FAM135B: variants seen among roughly 807,000 people sequenced by gnomAD.
FAM135B encodes family with sequence similarity 135 member B, also known as protein FAM135B.
FAM135B carries 43 observed loss-of-function variants against 127.7 expected under a neutral mutation model. That is an observed-to-expected ratio of 0.34 (90% CI 0.26 to 0.43). The LOEUF (loss-of-function observed/expected upper bound fraction) is 0.43, where lower values mean the gene tolerates loss of function less well. Among genes scored for constraint, FAM135B ranks in the 20% least tolerant of loss-of-function variants. FAM135B has a pLI of 1.00. For synonymous variants in FAM135B, 670 were observed against 665.1 expected (o/e 1.01, Z -0.11); for missense variants, 1,558 against 1,725.6 (o/e 0.90, Z 1.72).
At chr8:138,290,330 C>A (rs1825012618) in intron 3 of FAM135B, among the ~76,000 whole-genome samples, 1 of 152,186 alleles carries the variant, frequency 6.6e-6, no homozygotes, top group Admixed American at 6.5e-5. Context: ...AGAAACGATA[C>A]AAAGAAGGTT....
intron 3 of FAM135B, among the ~76,000 whole-genome samples, chr8:138,299,005 A>G (rs1825673243): frequency 6.6e-6 from 1 of 151,672 alleles, no homozygotes; most frequent in Non-Finnish European, 1.5e-5. Context: ...GGTTGCAATG[A>G]GCCGAGATCG....
At chr8:138,170,114 C>T (rs879363770) in intron 11 of FAM135B, among the ~76,000 whole-genome samples, 7 of 152,178 alleles carry the variant, frequency 4.6e-5, no homozygotes, top group Admixed American at 6.5e-5. Context: ...AGAAGCTTCC[C>T]TGCCATCCTT....
intron 2 of FAM135B, among the ~76,000 whole-genome samples, chr8:138,314,422 T>C (rs1027930832): frequency 2.0e-5 from 3 of 151,970 alleles, no homozygotes; most frequent in African/African-American, 7.3e-5. Context: ...AAAGAACTCT[T>C]GGAACTCAGT....
intron 12 of FAM135B, among the ~76,000 whole-genome samples, chr8:138,166,839 C>T (rs1015640895): frequency 6.6e-6 from 1 of 152,074 alleles, no homozygotes; most frequent in African/African-American, 2.4e-5. Context: ...TTGTAAGGAG[C>T]ACATCCTACC....
At chr8:138,352,332 T>G (rs891003081) in intron 2 of FAM135B, among the ~76,000 whole-genome samples, 2 of 152,242 alleles carry the variant, frequency 1.3e-5, no homozygotes, top group Non-Finnish European at 2.9e-5. Context: ...TTGATCATTA[T>G]ACATTGTATG....
chr8:138,184,791 A>C (rs1236088686), intron 9 of FAM135B, among the ~76,000 whole-genome samples: 3 of 152,176 alleles, frequency 2.0e-5, no homozygotes. Flanking sequence ...CACACTATTC[A>C]AACCGCCATA....
chr8:138,337,682 C>T (rs988615229), intron 2 of FAM135B, among the ~76,000 whole-genome samples: 2 of 152,038 alleles, frequency 1.3e-5, no homozygotes, highest in African/African-American at 4.8e-5. Context: ...GGCCAAACTG[C>T]CCAAGGTAAT....
intron 3 of FAM135B, among the ~76,000 whole-genome samples, chr8:138,292,210 CA>C (rs1430223746): frequency 2.0e-5 from 3 of 151,974 alleles, no homozygotes; most frequent in Non-Finnish European, 4.4e-5. Flanking sequence ...CAAATTTAAT[CA>C]AGGTGGTAAA....
intron 2 of FAM135B, among the ~76,000 whole-genome samples, chr8:138,331,823 T>C (rs1828202501): frequency 6.6e-6 from 1 of 152,170 alleles, no homozygotes; most frequent in Non-Finnish European, 1.5e-5. Flanking sequence ...AAGGATTCTG[T>C]GAGAACTCTT....
At chr8:138,226,977 G>T (rs59505888) in intron 7 of FAM135B, among the ~76,000 whole-genome samples, 9,961 of 152,184 alleles carry the variant, frequency 0.065, 512 homozygotes, top group East Asian at 0.26. Context: ...GATTGCAGGC[G>T]TGAGCCACCA....
chr8:138,293,917 G>T (rs1244008641), intron 3 of FAM135B, among the ~76,000 whole-genome samples: 2 of 151,952 alleles, frequency 1.3e-5, no homozygotes, highest in Non-Finnish European at 2.9e-5. Context: ...ACAGAAAGAA[G>T]TCATTATATT....
chr8:138,332,571 TCCA>T (rs1351028878), intron 2 of FAM135B, among the ~76,000 whole-genome samples: 1 of 151,890 alleles, frequency 6.6e-6, no homozygotes, highest in Non-Finnish European at 1.5e-5. Context: ...TCACTACCCC[TCCA>T]TCTCACCTCC....
At chr8:138,491,447 G>A (rs1163913242) in intron 1 of FAM135B, among the ~76,000 whole-genome samples, 1 of 152,138 alleles carries the variant, frequency 6.6e-6, no homozygotes, top group Non-Finnish European at 1.5e-5. Flanking sequence ...GCCTAGTAAT[G>A]CCTGGAATAT....
At chr8:138,265,889 T>G in intron 3 of FAM135B, 47 bp from the exon 4 acceptor site, 1 of 1,579,744 alleles carries the variant, frequency 6.3e-7, no homozygotes, top group Non-Finnish European at 8.6e-7. Flanking sequence ...AATACTGTCC[T>G]GTACCTGCAG....
intron 11 of FAM135B, among the ~76,000 whole-genome samples, chr8:138,176,222 G>T (rs1266014530): frequency 6.6e-6 from 1 of 152,220 alleles, no homozygotes; most frequent in Non-Finnish European, 1.5e-5. Flanking sequence ...TGTCTCCTCT[G>T]TGTGTGCTCA....
At chr8:138,471,908 T>C (rs1266928719) in intron 1 of FAM135B, among the ~76,000 whole-genome samples, 1 of 151,754 alleles carries the variant, frequency 6.6e-6, no homozygotes, top group Non-Finnish European at 1.5e-5. Flanking sequence ...AGGAAAAAAA[T>C]AGTGAAGAGA....
upstream of FAM135B, among the ~76,000 whole-genome samples, chr8:138,497,293 C>T (rs1453679391): frequency 1.3e-5 from 2 of 150,314 alleles, no homozygotes; most frequent in African/African-American, 4.9e-5. Context: ...GCTCCCACCT[C>T]GGTCCCTCTC....
chr8:138,282,419 A>G (rs1162632774), intron 3 of FAM135B, among the ~76,000 whole-genome samples: 1 of 152,254 alleles, frequency 6.6e-6, no homozygotes, highest in Non-Finnish European at 1.5e-5. Context: ...AAATGTTTAC[A>G]AAAGGCATAT....
intron 1 of FAM135B, among the ~76,000 whole-genome samples, chr8:138,482,505 T>C (rs1814822101): frequency 6.6e-6 from 1 of 152,150 alleles, no homozygotes; most frequent in Admixed American, 6.5e-5. Context: ...TAATAATTTT[T>C]AACAAGGGGC....
Sources: gnomAD v4.1 joint callset for allele counts (sites outside exome capture counted in the v4.1 genomes callset) on GRCh38, gnomAD v4.1.1 for gene constraint, MANE v1.5 for transcripts, NCBI Gene and HGNC (gene_info 2026-07-23, HGNC 2026-07-21) for gene names.